Variants in KIF26B observed in about 807,000 individuals in gnomAD.
The protein encoded by KIF26B is kinesin family member 26B.
Under a neutral mutation model 151.2 loss-of-function variants are expected in KIF26B, and 63 were observed. That is an observed-to-expected ratio of 0.42 (90% CI 0.34 to 0.51). KIF26B has a LOEUF of 0.51. Ranked by LOEUF, KIF26B falls within the 20% of genes least tolerant of loss-of-function variation. The pLI is 0.07. For missense variants in KIF26B, 2,813 were observed against 2,913.6 expected (o/e 0.97, Z 0.79); for synonymous variants, 1,357 against 1,262.1 (o/e 1.08, Z -1.59).
At chr1:245,159,905 G>A (rs528881059) in intron 2 of KIF26B, among the ~76,000 whole-genome samples, 107 of 152,268 alleles carry the variant, frequency 7.0e-4, no homozygotes, top group African/African-American at 2.5e-3. Flanking sequence ...TGAACGTAAC[G>A]GAGTGGGTGA....
chr1:245,287,122 T>C (rs568363682), intron 2 of KIF26B, among the ~76,000 whole-genome samples: 1 of 152,208 alleles, frequency 6.6e-6, no homozygotes. Flanking sequence ...AAAAACAAAA[T>C]TTTTTAAAAA....
intron 9 of KIF26B, among the ~76,000 whole-genome samples, chr1:245,627,289 G>T (rs905187546): frequency 6.6e-6 from 1 of 152,150 alleles, no homozygotes; most frequent in Non-Finnish European, 1.5e-5. Context: ...TGAGTCTGTA[G>T]ATTGCTTTGA....
At chr1:245,458,963 A>C (rs189837764) in intron 4 of KIF26B, among the ~76,000 whole-genome samples, 1 of 152,232 alleles carries the variant, frequency 6.6e-6, no homozygotes, top group Non-Finnish European at 1.5e-5. Context: ...TATTACTTGC[A>C]TCAATGTTTG....
chr1:245,365,650 G>A (rs142994551), intron 2 of KIF26B, among the ~76,000 whole-genome samples: 3 of 152,232 alleles, frequency 2.0e-5, no homozygotes, highest in Non-Finnish European at 2.9e-5. Flanking sequence ...TGAGATGAGC[G>A]TTATCAATTA....
chr1:245,255,635 C>G (rs1037426567), intron 2 of KIF26B, among the ~76,000 whole-genome samples: 2 of 152,172 alleles, frequency 1.3e-5, no homozygotes, highest in African/African-American at 2.4e-5. Flanking sequence ...AAAGGCAGAT[C>G]CAGAAGGCAG....
intron 3 of KIF26B, among the ~76,000 whole-genome samples, chr1:245,369,995 T>C (rs1367323309): frequency 2.6e-5 from 4 of 152,228 alleles, no homozygotes; most frequent in African/African-American, 9.7e-5. Flanking sequence ...AATTTGCTTT[T>C]TTTTGTTTGC....
chr1:245,574,334 G>T (rs1431132253), intron 5 of KIF26B, among the ~76,000 whole-genome samples: 1 of 152,124 alleles, frequency 6.6e-6, no homozygotes, highest in Non-Finnish European at 1.5e-5. Flanking sequence ...GGTAGAGATG[G>T]GGTTTCACCT....
chr1:245,158,797 A>G (rs1214136580), intron 2 of KIF26B, among the ~76,000 whole-genome samples: 1 of 151,884 alleles, frequency 6.6e-6, no homozygotes. Flanking sequence ...TGGGGCCTCA[A>G]TTTTAACTAC....
rs78742058 is a variant in KIF26B, at chr1:245,357,116, A to T, written c.466-9718A>T. 4.1e-3 allele frequency among the ~76,000 whole-genome samples: 620 copies of T among 152,282 alleles called. 8 individuals carry two copies. Among genetic ancestry groups the T allele is most frequent in the African/African-American group, 0.014 (584 of 41,572 alleles). The stretch of plus-strand genomic sequence containing the variant: ...TAGGAGCTGAGGGCAGAGAGGGACC[A>T]GGAGGCCGAGTCCTGCAGAGCCCAT... On this transcript the variant is annotated intron_variant, in intron 2 of 14. Coordinates refer to ENST00000407071, the MANE Select transcript of KIF26B (RefSeq NM_018012.4).
intron 4 of KIF26B, among the ~76,000 whole-genome samples, chr1:245,467,786 T>G (rs932273568): frequency 6.6e-6 from 1 of 151,878 alleles, no homozygotes; most frequent in Admixed American, 6.6e-5. Context: ...TCCCAGCTAC[T>G]AGGGAGGCTG....
chr1:245,451,583 A>ATTTTTTTTT (rs1659392112), intron 4 of KIF26B, among the ~76,000 whole-genome samples: 1 of 82,270 alleles, frequency 1.2e-5, no homozygotes, highest in African/African-American at 5.1e-5. Context: ...CAGAAGATCT[A>ATTTTTTTTT]TCTTTTTTTT....
intron 2 of KIF26B, among the ~76,000 whole-genome samples, chr1:245,291,361 C>G (rs1671250392): frequency 1.3e-5 from 2 of 152,152 alleles, no homozygotes; most frequent in Non-Finnish European, 2.9e-5. Context: ...ACTTTGAGTC[C>G]AACAAGTATT....
chr1:245,418,858 G>A (rs369675334), intron 3 of KIF26B, among the ~76,000 whole-genome samples: 3 of 152,082 alleles, frequency 2.0e-5, no homozygotes, highest in African/African-American at 7.2e-5. Context: ...ATTCTTCACA[G>A]CTTATTACGT....
intron 2 of KIF26B, among the ~76,000 whole-genome samples, chr1:245,202,727 T>TC (rs1669322979): frequency 7.6e-6 from 1 of 131,576 alleles, no homozygotes; most frequent in Admixed American, 9.0e-5. Flanking sequence ...GCTGCTGCAC[T>TC]CCAGCCTGGG....
intron 2 of KIF26B, among the ~76,000 whole-genome samples, chr1:245,201,001 C>T (rs1008348025): frequency 2.6e-5 from 4 of 152,092 alleles, no homozygotes; most frequent in African/African-American, 9.7e-5. Context: ...CACCCTGTGC[C>T]CAGTATTTCT....
intron 2 of KIF26B, among the ~76,000 whole-genome samples, chr1:245,278,146 A>G (rs1039375990): frequency 3.3e-5 from 5 of 152,170 alleles, no homozygotes; most frequent in African/African-American, 1.2e-4. Flanking sequence ...TTAGAGTGCT[A>G]TAATTTTCCC....
Position 245,227,522 on chromosome 1 carries a change from G to A in KIF26B, c.465+70839G>A, listed in dbSNP as rs987460413. 1.3e-5 allele frequency among the ~76,000 whole-genome samples: 2 copies of A among 152,140 alleles called. No individual in the cohort carries two copies. Among genetic ancestry groups the A allele is most frequent in the Admixed American group, 6.5e-5 (1 of 15,274 alleles). On this transcript the variant is annotated intron_variant, in intron 2 of 14. Coordinates refer to ENST00000407071, the MANE Select transcript of KIF26B (RefSeq NM_018012.4). The surrounding 1 kb of genome is among the most constrained non-coding windows in gnomAD (Gnocchi z 4.1). ...GTTGTCTGTCATGTGGATTCCTCAC[G>A]GGCAGAGATACTACCCTCTGAGCTT...
intron 9 of KIF26B, among the ~76,000 whole-genome samples, chr1:245,645,190 C>G (rs551916317): frequency 6.6e-6 from 1 of 152,106 alleles, no homozygotes; most frequent in South Asian, 2.1e-4. Context: ...CACTTCAACA[C>G]GACGCCTGTG....
intron 4 of KIF26B, among the ~76,000 whole-genome samples, chr1:245,427,472 G>C (rs1392435909): frequency 1.3e-5 from 2 of 152,146 alleles, no homozygotes; most frequent in Non-Finnish European, 2.9e-5. Flanking sequence ...GCCAGGCATG[G>C]TGGTGCACGC....
Sources: gnomAD v4.1 joint callset for allele counts (sites outside exome capture counted in the v4.1 genomes callset) on GRCh38, gnomAD v4.1.1 for gene constraint, Gnocchi (gnomAD v3.1) non-coding constraint, MANE v1.5 for transcripts, NCBI Gene and HGNC (gene_info 2026-07-23, HGNC 2026-07-21) for gene names.